The following COX7B2 variants were observed in gnomAD, a reference collection of about 807,000 sequenced individuals.
COX7B2 encodes cytochrome c oxidase subunit 7B2.
For synonymous variants in COX7B2, 37 were observed against 32.1 expected, an observed-to-expected ratio of 1.15 and a Z score of -0.51; for missense variants, 109 against 95.9, an observed-to-expected ratio of 1.14 and a Z score of -0.57.
At chr4:46,791,771 A>T (rs1275654463) in intron 2 of COX7B2, among the ~76,000 whole-genome samples, 4 of 152,148 alleles carry the variant, frequency 2.6e-5, no homozygotes, top group African/African-American at 9.7e-5. Context: ...GCAGCACTCA[A>T]ATCCAAGCAG....
intron 2 of COX7B2, among the ~76,000 whole-genome samples, chr4:46,825,592 G>C (rs1044360632): frequency 6.6e-6 from 1 of 151,900 alleles, no homozygotes; most frequent in Non-Finnish European, 1.5e-5. Context: ...CTAAGCAAAA[G>C]GAACAAAGCT....
At chr4:46,857,707 C>G (rs1560422896) in intron 1 of COX7B2, among the ~76,000 whole-genome samples, 1 of 152,162 alleles carries the variant, frequency 6.6e-6, no homozygotes, top group Non-Finnish European at 1.5e-5. Flanking sequence ...TAGAATTCCC[C>G]AGTGGAAGAG....
At chr4:46,815,461 ATTG>A (rs1719503087) in intron 2 of COX7B2, among the ~76,000 whole-genome samples, 1 of 152,096 alleles carries the variant, frequency 6.6e-6, no homozygotes, top group Non-Finnish European at 1.5e-5. Flanking sequence ...TTCTTTTTAT[ATTG>A]TATGTTTTGT....
intron 1 of COX7B2, among the ~76,000 whole-genome samples, chr4:46,903,673 C>T (rs1465612316): frequency 6.6e-6 from 1 of 152,056 alleles, no homozygotes; most frequent in Non-Finnish European, 1.5e-5. Flanking sequence ...TTTACTATTC[C>T]TTTGCTATGT....
chr4:46,800,484 T>C (rs1453748674), intron 2 of COX7B2, among the ~76,000 whole-genome samples: 1 of 151,834 alleles, frequency 6.6e-6, no homozygotes, highest in Non-Finnish European at 1.5e-5. Context: ...CAACAAATCA[T>C]CAATAAAAAA....
At chr4:46,878,553 T>G (rs745874062) in intron 1 of COX7B2, among the ~76,000 whole-genome samples, 40 of 152,008 alleles carry the variant, frequency 2.6e-4, no homozygotes, top group South Asian at 1.7e-3. Context: ...CAATAACATG[T>G]TTTAAAGACC....
chr4:46,895,483 T>C (rs1719704439), intron 1 of COX7B2, among the ~76,000 whole-genome samples: 1 of 152,070 alleles, frequency 6.6e-6, no homozygotes, highest in South Asian at 2.1e-4. Flanking sequence ...CACTGGGACC[T>C]ACTTGAGGGT....
chr4:46,749,596 T>G (rs28457233), intron 2 of COX7B2, among the ~76,000 whole-genome samples: 49,550 of 151,844 alleles, frequency 0.33, 8,292 homozygotes, highest in South Asian at 0.47. Context: ...ATTGTTAGTT[T>G]GCATCTGAAG....
At chr4:46,886,250 T>C (rs1213327969) in intron 1 of COX7B2, among the ~76,000 whole-genome samples, 2 of 152,154 alleles carry the variant, frequency 1.3e-5, no homozygotes, top group African/African-American at 4.8e-5. Flanking sequence ...ATGGAGACCA[T>C]AAAAATGTAT....
intron 1 of COX7B2, among the ~76,000 whole-genome samples, chr4:46,867,220 G>A (rs540077205): frequency 6.6e-6 from 1 of 152,270 alleles, no homozygotes; most frequent in South Asian, 2.1e-4. Context: ...ATGTTAGCAA[G>A]TGCCTACACT....
At chr4:46,908,064 G>A (rs1720516729) in intron 1 of COX7B2, among the ~76,000 whole-genome samples, 1 of 151,804 alleles carries the variant, frequency 6.6e-6, no homozygotes, top group Non-Finnish European at 1.5e-5. Flanking sequence ...TGTTGGCCAG[G>A]ATGGTCTCGA....
At chr4:46,862,531 C>G (rs768867788) in intron 1 of COX7B2, among the ~76,000 whole-genome samples, 47 of 152,126 alleles carry the variant, frequency 3.1e-4, no homozygotes, top group Admixed American at 3.3e-4. Context: ...AAATGCTTTT[C>G]AAAGTCATGT....
chr4:46,817,461 C>T (rs562683406), intron 2 of COX7B2, among the ~76,000 whole-genome samples: 1 of 152,246 alleles, frequency 6.6e-6, no homozygotes, highest in East Asian at 1.9e-4. Context: ...TTATAACATG[C>T]TGAATAAACT....
intron 2 of COX7B2, among the ~76,000 whole-genome samples, chr4:46,802,627 A>G (rs1718717330): frequency 6.6e-6 from 1 of 152,104 alleles, no homozygotes; most frequent in African/African-American, 2.4e-5. Context: ...ACTGCAATCT[A>G]CTTGAGGGGT....
At chr4:46,850,875 G>A (rs74616494) in intron 1 of COX7B2, among the ~76,000 whole-genome samples, 1,615 of 152,132 alleles carry the variant, frequency 0.011, 12 homozygotes, top group Non-Finnish European at 0.015. Context: ...GATTACCATT[G>A]TAATCTAAGG....
chr4:46,777,887 A>G (rs536161802), intron 2 of COX7B2, among the ~76,000 whole-genome samples: 1 of 152,296 alleles, frequency 6.6e-6, no homozygotes, highest in South Asian at 2.1e-4. Flanking sequence ...AAACAGATGG[A>G]CCAAATAACA....
chr4:46,770,746 A>T (rs1716830060), intron 2 of COX7B2, among the ~76,000 whole-genome samples: 1 of 152,194 alleles, frequency 6.6e-6, no homozygotes, highest in Non-Finnish European at 1.5e-5. Flanking sequence ...ATCTTCATTT[A>T]CTGGTGTTGG....
intron 2 of COX7B2, among the ~76,000 whole-genome samples, chr4:46,812,814 G>A (rs1719353351): frequency 1.3e-5 from 2 of 152,328 alleles, no homozygotes. Context: ...ACATGGGTCA[G>A]CAGAGCCTCT....
At chr4:46,875,918 C>T (rs539551694) in intron 1 of COX7B2, among the ~76,000 whole-genome samples, 18 of 151,982 alleles carry the variant, frequency 1.2e-4, no homozygotes, top group Non-Finnish European at 2.2e-4. Context: ...CTATAGCCCA[C>T]CGGTCTTACT....
Sources: gnomAD v4.1 joint callset for allele counts (sites outside exome capture counted in the v4.1 genomes callset) on GRCh38, gnomAD v4.1.1 for gene constraint, MANE v1.5 for transcripts, NCBI Gene and HGNC (gene_info 2026-07-23, HGNC 2026-07-21) for gene names.